ABHD12: variants seen among roughly 807,000 people sequenced by gnomAD.
ABHD12 encodes the protein lysophosphatidylserine lipase ABHD12.
In ABHD12, 43 loss-of-function variants were observed where a neutral mutation model predicts 58.3. The observed-to-expected ratio is 0.74, with a 90% CI of 0.58 to 0.95. ABHD12 has a LOEUF of 0.95. ABHD12 is among the 40% of genes least tolerant of loss of function. The pLI is 0.00. For missense variants in ABHD12, 539 were observed against 537.2 expected, an observed-to-expected ratio of 1.00 and a Z score of -0.03; for synonymous variants, 219 against 211.2, an observed-to-expected ratio of 1.04 and a Z score of -0.32.
At chr20:25,366,751 T>G (rs2089827993) in intron 1 of ABHD12, among the ~76,000 whole-genome samples, 1 of 152,208 alleles carries the variant, frequency 6.6e-6, no homozygotes, top group South Asian at 2.1e-4. Context: ...CCAAAAACCT[T>G]TATTAACAAT....
intron 1 of ABHD12, among the ~76,000 whole-genome samples, chr20:25,342,729 G>A (rs1365129998): frequency 6.6e-5 from 10 of 152,118 alleles, no homozygotes; most frequent in Non-Finnish European, 1.5e-4. Context: ...CTCCCAAGTA[G>A]CTCAGACCAC....
intron 1 of ABHD12, among the ~76,000 whole-genome samples, chr20:25,369,927 TAAAAAAAAAA>T (rs3032443): frequency 1.1e-5 from 1 of 91,440 alleles, no homozygotes; most frequent in Non-Finnish European, 2.1e-5. Flanking sequence ...GTCTCTGTTA[TAAAAAAAAAA>T]AAAAAAAAAA....
intron 1 of ABHD12, among the ~76,000 whole-genome samples, chr20:25,352,185 T>G (rs931327414): frequency 1.3e-5 from 2 of 150,042 alleles, no homozygotes; most frequent in African/African-American, 4.9e-5. Flanking sequence ...AGAGATGAGG[T>G]TTCACCACAT....
chr20:25,298,211 G>GTT (rs890967864), downstream of ABHD12, among the ~76,000 whole-genome samples: 4 of 152,152 alleles, frequency 2.6e-5, no homozygotes, highest in African/African-American at 7.2e-5. Context: ...GGGCAGAAAA[G>GTT]TTTGCATCTC....
At chr20:25,352,646 ACTAT>A (rs1485003772) in intron 1 of ABHD12, among the ~76,000 whole-genome samples, 2 of 152,194 alleles carry the variant, frequency 1.3e-5, no homozygotes, top group Admixed American at 6.5e-5. Flanking sequence ...TAATTAAGTG[ACTAT>A]CTGTATCTCT....
chr20:25,368,212 G>A (rs2089850223), intron 1 of ABHD12: 2 of 1,272,722 alleles, frequency 1.6e-6, no homozygotes, highest in African/African-American at 1.5e-5. Context: ...GGGGTGGAGG[G>A]GTGCTCTCCT....
chr20:25,375,080 AG>A (rs2089946138), intron 1 of ABHD12, among the ~76,000 whole-genome samples: 1 of 152,212 alleles, frequency 6.6e-6, no homozygotes, highest in African/African-American at 2.4e-5. Flanking sequence ...CAGCTTTGTA[AG>A]AAGAAATGCA....
At chr20:25,305,384 A>G (rs2088717108) in intron 10 of ABHD12, among the ~76,000 whole-genome samples, 1 of 142,064 alleles carries the variant, frequency 7.0e-6, no homozygotes, top group African/African-American at 2.6e-5. Flanking sequence ...TTTTTTTGAG[A>G]CGGAGTCTCG....
intron 6 of ABHD12, among the ~76,000 whole-genome samples, chr20:25,313,664 C>T (rs919591492): frequency 6.6e-6 from 1 of 150,862 alleles, no homozygotes; most frequent in Non-Finnish European, 1.5e-5. Flanking sequence ...TGCCTGTGGT[C>T]CCAGCTACTA....
chr20:25,381,231 GCACA>G, intron 1 of ABHD12, among the ~76,000 whole-genome samples: 1 of 152,226 alleles, frequency 6.6e-6, no homozygotes, highest in African/African-American at 2.4e-5. Context: ...CCCAGACTGT[GCACA>G]CACAGCCACA....
At chr20:25,361,056 C>G (rs182014415) in intron 1 of ABHD12, among the ~76,000 whole-genome samples, 276 of 152,334 alleles carry the variant, frequency 1.8e-3, no homozygotes, top group Non-Finnish European at 2.5e-3. Flanking sequence ...GGACACAGGC[C>G]AAGGTGAGCT....
Position 25,300,344 on chromosome 20 carries a change from G to A in ABHD12, c.*501C>T, listed in dbSNP as rs1600756284. 1 of 1,054,394 alleles carries A rather than the reference G, an allele frequency of 9.5e-7. No individual in the cohort carries two copies. Among genetic ancestry groups the A allele is most frequent in the South Asian group, 3.3e-5 (1 of 29,876 alleles). 65.3% of individuals were successfully genotyped at this position (1,054,394 alleles called of 1,614,324 possible). A position where few individuals can be genotyped will look rare whatever the true frequency, so the allele number is the denominator to read the frequency against. On this transcript the variant is annotated 3_prime_UTR_variant, in exon 13 of 13. Transcript: ENST00000339157. ...TGGGTGAGTGGGCCAGCCCAGGGGAGGTGGGGCAGCTGAGAAAGGCAAGCA... is the reference window on the plus strand; with the variant it reads ...TGGGTGAGTGGGCCAGCCCAGGGGAAGTGGGGCAGCTGAGAAAGGCAAGCA...
rs186568430 is a variant in ABHD12, at chr20:25,314,264, T to C, written c.619+661A>G. Among the ~76,000 whole-genome samples, 20 of 151,992 alleles carry C rather than the reference T, an allele frequency of 1.3e-4. No homozygotes were observed. The East Asian group carries it at 3.9e-3, about 30-fold the overall frequency. ...CTGGGATTACAGGTGTGAACCACCA[T>C]GCTCAGCCTCTCTTAACACTTCTTA... On this transcript the variant is annotated intron_variant, in intron 6 of 12. Transcript: ENST00000339157.
intron 1 of ABHD12, among the ~76,000 whole-genome samples, chr20:25,388,648 T>C (rs1307401218): frequency 5.3e-5 from 8 of 152,210 alleles, no homozygotes; most frequent in Non-Finnish European, 1.0e-4. Context: ...CCAAAGGATA[T>C]GGACACCACT....
intron 10 of ABHD12, 139 bp from the exon 11 acceptor site, chr20:25,303,767 A>G: frequency 8.2e-7 from 1 of 1,215,298 alleles, no homozygotes; most frequent in Non-Finnish European, 1.2e-6. Context: ...TTTACTAGAC[A>G]ACTGAAAGTT....
At chr20:25,384,721 G>C (rs1428935426) in intron 1 of ABHD12, among the ~76,000 whole-genome samples, 3 of 152,028 alleles carry the variant, frequency 2.0e-5, no homozygotes, top group African/African-American at 7.2e-5. Context: ...CTCCAGTCCG[G>C]GTGTAGAGCC....
At chr20:25,302,458 A>G in intron 11 of ABHD12, 112 bp from the exon 12 acceptor site, 1 of 1,404,998 alleles carries the variant, frequency 7.1e-7, no homozygotes, top group Non-Finnish European at 9.9e-7. Flanking sequence ...AGAGTCCCAC[A>G]TACACTGCTT....
At chr20:25,308,903 C>CCCCA (rs1205989472) in intron 7 of ABHD12, among the ~76,000 whole-genome samples, 2 of 152,210 alleles carry the variant, frequency 1.3e-5, no homozygotes, top group East Asian at 3.9e-4. Flanking sequence ...GGCTGGTGCC[C>CCCCA]CCCACCCACT....
chr20:25,311,306 G>A (rs2088845246), intron 6 of ABHD12, among the ~76,000 whole-genome samples: 1 of 152,194 alleles, frequency 6.6e-6, no homozygotes, highest in Non-Finnish European at 1.5e-5. Flanking sequence ...AGGGAGAGGA[G>A]TCAGGGTCAG....
Sources: gnomAD v4.1 joint callset for allele counts (sites outside exome capture counted in the v4.1 genomes callset) on GRCh38, gnomAD v4.1.1 for gene constraint, MANE v1.5 for transcripts, NCBI Gene and HGNC (gene_info 2026-07-23, HGNC 2026-07-21) for gene names.